The following NUP50 variants were observed in gnomAD, a reference collection of about 807,000 sequenced individuals.
The protein encoded by NUP50 is nucleoporin 50.
A neutral mutation model predicts 36.8 loss-of-function variants in NUP50; 14 were observed. The ratio of observed to expected loss-of-function variants is 0.38; its 90% CI spans 0.25 to 0.59. NUP50 has a LOEUF of 0.59. Ranked by LOEUF, NUP50 falls within the 20% of genes least tolerant of loss-of-function variation. NUP50 has a pLI of 0.63. For synonymous variants in NUP50, 195 were observed against 210.8 expected (o/e 0.93, Z 0.65); for missense variants, 455 against 564.6 (o/e 0.81, Z 1.97).
chr22:45,177,430 C>G (rs1185855097), intron 4 of NUP50, among the ~76,000 whole-genome samples: 1 of 152,206 alleles, frequency 6.6e-6, no homozygotes, highest in East Asian at 1.9e-4. Flanking sequence ...ATTTGCCCAC[C>G]TCAGCCTCCC....
At chr22:45,168,436 G>A (rs1337998596) in intron 2 of NUP50, among the ~76,000 whole-genome samples, 190 bp downstream of exon 2, 1 of 152,202 alleles carries the variant, frequency 6.6e-6, no homozygotes, top group Non-Finnish European at 1.5e-5. Context: ...GTGACCTCTA[G>A]TTAGTGTAGA....
At chr22:45,175,431 A>T (rs1480954105) in intron 3 of NUP50, among the ~76,000 whole-genome samples, 9 of 152,202 alleles carry the variant, frequency 5.9e-5, no homozygotes, top group Non-Finnish European at 1.3e-4. Flanking sequence ...CAAGCCACAG[A>T]TGTTAAGAAA....
At chr22:45,166,735 T>C (rs2074100913) in intron 1 of NUP50, among the ~76,000 whole-genome samples, 1 of 152,094 alleles carries the variant, frequency 6.6e-6, no homozygotes, top group Non-Finnish European at 1.5e-5. Flanking sequence ...TTATGTCTAT[T>C]CCTGTATTTG....
At position 45,187,070 on chromosome 22, in the gene NUP50, T is replaced by C. The variant is rs1459339430; in HGVS notation, c.*2415T>C. The C allele has an allele frequency of 6.6e-6, 1 of 152,260 alleles. No individual in the cohort carries two copies. Among genetic ancestry groups the C allele is most frequent in the Admixed American group, 6.5e-5 (1 of 15,284 alleles). The allele number at this position is 152,260 out of a possible 1,614,324, so 9.4% of individuals were successfully genotyped here. ...AATTTTCATCTTTTGTTTGAGAATC[T>C]ATGAAGTGTATCATATACGTGGCCT... On this transcript the variant is annotated 3_prime_UTR_variant, in exon 8 of 8. Coordinates refer to ENST00000347635, the MANE Select transcript of NUP50 (RefSeq NM_007172.4).
chr22:45,178,842 A>G lies in NUP50; in HGVS notation c.945A>G (p.Ser315=), dbSNP rs201527111. 4 of 1,613,754 alleles carry G rather than the reference A, an allele frequency of 2.5e-6. No homozygotes were observed. The highest frequency in any genetic ancestry group is 1.7e-5 in the Admixed American group (1 of 59,992). The change falls in exon 5 of 8, where the codon TCA becomes TCG. Residue 315 remains serine, a synonymous_variant. Transcript: ENST00000347635. ...CTACCCAGAGTAAACCAGTCTCTTC[A>G]CCATTTCCCACTAAACCATTGGAGG... is the stretch of plus-strand genomic sequence containing the variant. ...KDTTQSKPVS[S]PFPTKPLEGQ... is the part of the protein sequence containing the mutation.
At chr22:45,183,302 A>G in intron 6 of NUP50, 100 bp from the exon 7 acceptor site, 2 of 720,064 alleles carry the variant, frequency 2.8e-6, no homozygotes, top group Admixed American at 2.2e-5. Context: ...TACTCATTTA[A>G]TAGAGATTTT....
intron 2 of NUP50, among the ~76,000 whole-genome samples, chr22:45,170,436 C>T (rs2074172268): frequency 6.6e-6 from 1 of 152,248 alleles, no homozygotes; most frequent in Admixed American, 6.5e-5. Context: ...GTAACCACGA[C>T]TTTCAGGTTA....
At chr22:45,182,289 A>C (rs2074385201) in intron 6 of NUP50, among the ~76,000 whole-genome samples, 1 of 152,116 alleles carries the variant, frequency 6.6e-6, no homozygotes, top group South Asian at 2.1e-4. Flanking sequence ...AAAAATATGA[A>C]AATTAGCCTA....
At chr22:45,165,254 TTTGA>T (rs2074077457) in intron 1 of NUP50, among the ~76,000 whole-genome samples, 1 of 152,220 alleles carries the variant, frequency 6.6e-6, no homozygotes, top group Non-Finnish European at 1.5e-5. Context: ...TTATTGATTG[TTTGA>T]TTGAGACTGG....
chr22:45,164,718 GT>G (rs1293811032), intron 1 of NUP50: 1 of 152,124 alleles, frequency 6.6e-6, no homozygotes, highest in Non-Finnish European at 1.5e-5. Flanking sequence ...GGGCTGCGGC[GT>G]CCGACTCGAG....
chr22:45,168,958 G>T (rs2147667807), intron 2 of NUP50, among the ~76,000 whole-genome samples: 1 of 148,540 alleles, frequency 6.7e-6, no homozygotes, highest in East Asian at 2.0e-4. Flanking sequence ...CTGGAGTGCG[G>T]TGGCACAACC....
chr22:45,167,351 TTTG>T (rs2074110381), intron 1 of NUP50, among the ~76,000 whole-genome samples: 3 of 152,308 alleles, frequency 2.0e-5, no homozygotes, highest in Admixed American at 6.5e-5. Context: ...TTTTCTTTGT[TTTG>T]TTGTTATGAT....
rs776341583 is a variant in NUP50 at position 45,187,979 on chromosome 22, C to G, written c.*3324C>G. 1.3e-5 allele frequency: 2 copies of G among 152,608 alleles called. No individual in the cohort carries two copies. Among genetic ancestry groups the G allele is most frequent in the African/African-American group, 4.8e-5 (2 of 41,438 alleles). The allele number at this position is 152,608 out of a possible 1,614,324, so 9.5% of individuals were successfully genotyped here. A position where few individuals can be genotyped will look rare whatever the true frequency, so the allele number is the denominator to read the frequency against. On this transcript the variant is annotated 3_prime_UTR_variant, in exon 8 of 8. Coordinates refer to ENST00000347635, the MANE Select transcript of NUP50 (RefSeq NM_007172.4). ...CTCCCATCGAGGAAGTGTAACAATCCATGAAATGTGAATAAATGAAAAGTA... is the reference window on the plus strand; with the variant it reads ...CTCCCATCGAGGAAGTGTAACAATCGATGAAATGTGAATAAATGAAAAGTA...
Position 45,183,461 on chromosome 22 carries a change from A to G in NUP50, c.1145A>G (p.His382Arg). The G allele has an allele frequency of 6.2e-7, 1 of 1,612,310 alleles. No homozygotes were observed. The highest frequency in any genetic ancestry group is 1.7e-5 in the Admixed American group (1 of 60,026). The part of the protein sequence containing the change: ...EFKEKGIGTL[H>R]LKPTANQKTQ... ...AAAGAGAAAGGCATAGGTACTCTGC[A>G]TTTAAAACCTACAGCAAATCAGAAG... The change falls in exon 7 of 8, where the codon CAT (histidine) becomes CGT (arginine). Residue 382 changes from histidine (H) to arginine (R), a missense_variant. Coordinates refer to ENST00000347635, the MANE Select transcript of NUP50 (RefSeq NM_007172.4).
chr22:45,172,196 A>G (rs1487806642), intron 3 of NUP50: 2 of 153,818 alleles, frequency 1.3e-5, no homozygotes, highest in African/African-American at 2.4e-5. Flanking sequence ...GTCACTCCGC[A>G]TCTAAGAACT....
rs150875321 is a variant in NUP50, at chr22:45,181,445, G to A, written c.1085+78G>A. 18 of 875,692 alleles carry A rather than the reference G, an allele frequency of 2.1e-5. No individual in the cohort carries two copies. In the Middle Eastern group the frequency reaches 6.9e-4, roughly 33 times the overall value. 54.2% of individuals were successfully genotyped at this position (875,692 alleles called of 1,614,324 possible). On this transcript the variant is annotated intron_variant, in intron 6 of 7. Transcript: ENST00000347635. ...GCTTCAGGCTGGAGAATGTCCTCAC[G>A]GCACTTGACTGAGCTTCCAGTCTCG...
intron 5 of NUP50, 147 bp downstream of exon 5, chr22:45,179,047 T>C (rs2074324813): frequency 1.5e-6 from 1 of 678,946 alleles, no homozygotes; most frequent in Non-Finnish European, 2.4e-6. Context: ...GCTAATCAGC[T>C]TCTCTGAGTT....
At chr22:45,172,658 AAAG>A (rs1408448264) in intron 3 of NUP50, among the ~76,000 whole-genome samples, 1 of 152,208 alleles carries the variant, frequency 6.6e-6, no homozygotes, top group Non-Finnish European at 1.5e-5. Flanking sequence ...GAAGCAATGA[AAAG>A]AAATTGTTAT....
chr22:45,183,312 T>C (rs1288067830), intron 6 of NUP50, 90 bp from the exon 7 acceptor site: 2 of 750,476 alleles, frequency 2.7e-6, no homozygotes, highest in Non-Finnish European at 4.7e-6. Context: ...ATAGAGATTT[T>C]CCACACAAGT....
Sources: allele counts gnomAD v4.1 joint callset (sites outside exome capture counted in the v4.1 genomes callset), GRCh38; gene constraint gnomAD v4.1.1; transcripts MANE v1.5; gene names NCBI Gene and HGNC (gene_info 2026-07-23, HGNC 2026-07-21).